The following PIP5K1B variants were observed in gnomAD, a reference collection of about 807,000 sequenced individuals.
PIP5K1B encodes the protein phosphatidylinositol-4-phosphate 5-kinase type 1 beta, also known as phosphatidylinositol 4-phosphate 5-kinase type-1 beta.
Under a neutral mutation model 67.0 loss-of-function variants are expected in PIP5K1B, and 42 were observed. The observed-to-expected ratio is 0.63, with a 90% CI of 0.49 to 0.81. The LOEUF (loss-of-function observed/expected upper bound fraction) is 0.81, where lower values mean the gene tolerates loss of function less well. Ranked by LOEUF, PIP5K1B falls within the 30% of genes least tolerant of loss-of-function variation. The pLI is 0.00. For missense variants in PIP5K1B, 459 were observed against 646.3 expected, an observed-to-expected ratio of 0.71 and a Z score of 3.14; for synonymous variants, 214 against 231.4, an observed-to-expected ratio of 0.92 and a Z score of 0.68.
chr9:68,818,225 T>C (rs897055649), intron 2 of PIP5K1B, among the ~76,000 whole-genome samples: 22 of 152,338 alleles, frequency 1.4e-4, no homozygotes, highest in African/African-American at 4.8e-4. Context: ...AGTCAAGTTG[T>C]AGACTGTAAA....
chr9:68,841,690 T>G lies in PIP5K1B; in HGVS notation c.69+19007T>G, dbSNP rs183192581. Among the ~76,000 whole-genome samples, 574 of 152,342 alleles carry G rather than the reference T, an allele frequency of 3.8e-3. 2 individuals carry two copies. The highest frequency in any genetic ancestry group is 4.4e-3 in the Non-Finnish European group (297 of 68,036). On this transcript the variant is annotated intron_variant, in intron 4 of 15. Coordinates refer to ENST00000265382, the MANE Select transcript of PIP5K1B (RefSeq NM_003558.4). Reference sequence around the variant, plus strand: ...AAGTCATCATTTCTGATGACAGGATTAGACAGACCTTTTTTCTTGAAAGTA... The same window carrying G: ...AAGTCATCATTTCTGATGACAGGATGAGACAGACCTTTTTTCTTGAAAGTA...
At chr9:68,858,780 A>G (rs1023275358) in intron 4 of PIP5K1B, among the ~76,000 whole-genome samples, 1 of 152,242 alleles carries the variant, frequency 6.6e-6, no homozygotes, top group Non-Finnish European at 1.5e-5. Context: ...TGCTGTTGAC[A>G]TGAAATGTTT....
intron 14 of PIP5K1B, among the ~76,000 whole-genome samples, chr9:68,987,422 C>G (rs1027216626): frequency 2.6e-4 from 40 of 151,040 alleles, no homozygotes; most frequent in African/African-American, 8.8e-4. Flanking sequence ...ATTAGCAGGG[C>G]GTGGTGGCAA....
chr9:68,753,859 CA>C (rs1327089782), intron 2 of PIP5K1B, among the ~76,000 whole-genome samples: 1 of 151,802 alleles, frequency 6.6e-6, no homozygotes, highest in African/African-American at 2.4e-5. Context: ...GGGGTTTCGC[CA>C]TGTTGTCCAG....
chr9:68,812,056 G>C (rs1833197385), intron 2 of PIP5K1B, among the ~76,000 whole-genome samples: 1 of 152,172 alleles, frequency 6.6e-6, no homozygotes, highest in Non-Finnish European at 1.5e-5. Context: ...GAGGTGCGTG[G>C]GGTGGGAATG....
chr9:68,759,603 C>T (rs1287227682), intron 2 of PIP5K1B, among the ~76,000 whole-genome samples: 1 of 152,024 alleles, frequency 6.6e-6, no homozygotes, highest in Non-Finnish European at 1.5e-5. Flanking sequence ...TCAAAAAGTA[C>T]ATTAGATATA....
chr9:68,963,476 C>A (rs1828856926), intron 14 of PIP5K1B, among the ~76,000 whole-genome samples: 1 of 150,960 alleles, frequency 6.6e-6, no homozygotes, highest in Non-Finnish European at 1.5e-5. Flanking sequence ...GCACTCCATC[C>A]TGGGTGACAG....
chr9:68,797,921 G>C (rs1832384567), intron 2 of PIP5K1B, among the ~76,000 whole-genome samples: 1 of 152,088 alleles, frequency 6.6e-6, no homozygotes, highest in African/African-American at 2.4e-5. Context: ...AGGAACCAGA[G>C]GTTTAGACTA....
intron 2 of PIP5K1B, among the ~76,000 whole-genome samples, chr9:68,776,853 C>G (rs989713890): frequency 6.6e-6 from 1 of 152,128 alleles, no homozygotes; most frequent in African/African-American, 2.4e-5. Flanking sequence ...TTGCAGCTGG[C>G]TACATTGCAT....
intron 2 of PIP5K1B, among the ~76,000 whole-genome samples, chr9:68,760,836 A>G (rs1830152303): frequency 6.6e-6 from 1 of 152,106 alleles, no homozygotes; most frequent in African/African-American, 2.4e-5. Flanking sequence ...CCTTGCTGGC[A>G]GGGGATGGAA....
At chr9:68,954,989 CTA>C (rs1392170909) in intron 14 of PIP5K1B, among the ~76,000 whole-genome samples, 2 of 152,092 alleles carry the variant, frequency 1.3e-5, no homozygotes, top group African/African-American at 4.8e-5. Context: ...CCTTGAGAGA[CTA>C]TAATATTTGT....
intron 14 of PIP5K1B, among the ~76,000 whole-genome samples, chr9:68,989,977 G>T (rs998685818): frequency 6.6e-6 from 1 of 150,980 alleles, no homozygotes; most frequent in Non-Finnish European, 1.5e-5. Flanking sequence ...GCAAGACTCC[G>T]TCTCAAAAAA....
At chr9:68,855,480 T>C (rs1447075955) in intron 4 of PIP5K1B, among the ~76,000 whole-genome samples, 2 of 152,234 alleles carry the variant, frequency 1.3e-5, no homozygotes, top group African/African-American at 4.8e-5. Flanking sequence ...CATTAGCATC[T>C]CAAATGGAAC....
intron 2 of PIP5K1B, among the ~76,000 whole-genome samples, chr9:68,762,878 C>T (rs1830247926): frequency 6.6e-6 from 1 of 152,072 alleles, no homozygotes. Context: ...TACAACTCCA[C>T]GTGTTAACAT....
At chr9:68,906,018 T>C (rs1457774425) in intron 8 of PIP5K1B, among the ~76,000 whole-genome samples, 1 of 152,126 alleles carries the variant, frequency 6.6e-6, no homozygotes, top group Non-Finnish European at 1.5e-5. Context: ...TTTTTCAATT[T>C]AGTGTTTTTT....
At chr9:68,944,022 C>T (rs1827685593) in intron 14 of PIP5K1B, among the ~76,000 whole-genome samples, 1 of 151,666 alleles carries the variant, frequency 6.6e-6, no homozygotes, top group South Asian at 2.1e-4. Context: ...TTTTAATGTA[C>T]TCCAAAAATT....
intron 6 of PIP5K1B, among the ~76,000 whole-genome samples, chr9:68,884,037 A>G (rs1420143315): frequency 6.6e-6 from 1 of 152,204 alleles, no homozygotes; most frequent in East Asian, 1.9e-4. Flanking sequence ...AAGGCCAGAA[A>G]CTGTAAAACT....
intron 15 of PIP5K1B, among the ~76,000 whole-genome samples, chr9:69,005,607 G>A (rs1242476911): frequency 5.3e-5 from 8 of 151,980 alleles, no homozygotes; most frequent in Admixed American, 1.3e-4. Flanking sequence ...AACTCCTCCC[G>A]ACCTCAGGTG....
intron 4 of PIP5K1B, among the ~76,000 whole-genome samples, chr9:68,859,622 G>A (rs530159813): frequency 2.1e-4 from 32 of 152,250 alleles, no homozygotes; most frequent in African/African-American, 7.0e-4. Context: ...GTGCAAAGCC[G>A]GCAACCCACC....
Sources: gnomAD v4.1 joint callset for allele counts (sites outside exome capture counted in the v4.1 genomes callset) on GRCh38, gnomAD v4.1.1 for gene constraint, MANE v1.5 for transcripts, NCBI Gene and HGNC (gene_info 2026-07-23, HGNC 2026-07-21) for gene names.